The following PRELID2 variants were observed in gnomAD, a reference collection of about 807,000 sequenced individuals.
The protein encoded by PRELID2 is PRELI domain-containing protein 2.
PRELID2 carries 25 observed loss-of-function variants against 28.4 expected under a neutral mutation model. The ratio of observed to expected loss-of-function variants is 0.88; its 90% CI spans 0.64 to 1.23. The LOEUF is 1.23. Among genes scored for constraint, PRELID2 ranks in the 50% most tolerant of loss-of-function variants. The pLI, the probability that PRELID2 is intolerant of heterozygous loss-of-function variation, is 0.00. For missense variants in PRELID2, 201 were observed against 214.4 expected, an observed-to-expected ratio of 0.94 and a Z score of 0.39; for synonymous variants, 76 against 71.6, an observed-to-expected ratio of 1.06 and a Z score of -0.31.
intron 1 of PRELID2, among the ~76,000 whole-genome samples, chr5:145,571,830 A>G (rs1186954573): frequency 6.6e-6 from 1 of 151,920 alleles, no homozygotes; most frequent in Non-Finnish European, 1.5e-5. Context: ...AAATACAACA[A>G]ATTAGCCACG....
chr5:145,516,192 A>G (rs975991424), intron 1 of PRELID2, among the ~76,000 whole-genome samples: 1 of 152,170 alleles, frequency 6.6e-6, no homozygotes, highest in African/African-American at 2.4e-5. Flanking sequence ...GAAGAGAGGA[A>G]GTCAAATTGT....
chr5:145,579,316 G>A (rs957988718), intron 1 of PRELID2, among the ~76,000 whole-genome samples: 2 of 152,110 alleles, frequency 1.3e-5, no homozygotes, highest in African/African-American at 4.8e-5. Flanking sequence ...TTATTAGCCT[G>A]GATGGGGAGA....
intron 1 of PRELID2, among the ~76,000 whole-genome samples, chr5:145,557,909 G>A (rs1477359438): frequency 6.6e-6 from 1 of 152,118 alleles, no homozygotes; most frequent in African/African-American, 2.4e-5. Context: ...TGATGAAGTT[G>A]GTTCTTGCCT....
At chr5:145,721,779 A>G (rs540855218) in intron 1 of PRELID2, among the ~76,000 whole-genome samples, 1 of 152,314 alleles carries the variant, frequency 6.6e-6, no homozygotes, top group Middle Eastern at 3.4e-3. Context: ...CAGGAAATAG[A>G]ATTAATAAGA....
intron 1 of PRELID2, among the ~76,000 whole-genome samples, chr5:145,631,831 T>C (rs554235122): frequency 2.0e-5 from 3 of 152,306 alleles, no homozygotes; most frequent in South Asian, 2.1e-4. Context: ...AGTTTAACTC[T>C]ACAATGTACA....
At chr5:145,684,834 A>C (rs1755004749) in intron 1 of PRELID2, among the ~76,000 whole-genome samples, 1 of 152,206 alleles carries the variant, frequency 6.6e-6, no homozygotes, top group Non-Finnish European at 1.5e-5. Context: ...TGTTGGCACC[A>C]CTAAGGCAAT....
rs1561558963 is a variant in PRELID2, at chr5:145,724,605, ATATATATATATATAT to A, written n.70+40311_70+40325del. Among the ~76,000 whole-genome samples the A allele has an allele frequency of 6.3e-4, 52 of 82,612 alleles. 3 individuals carry two copies. The South Asian group carries it at 8.5e-3, about 14-fold the overall frequency. 54.2% of individuals were successfully genotyped at this position (82,612 alleles called of 152,430 possible). A position where few individuals can be genotyped will look rare whatever the true frequency, so the allele number is the denominator to read the frequency against. ...GAAATAACAAGAAGTAAATAAATAT[ATATATATATATATAT>A]ATATATATATATATATATATATATA... On this transcript the variant is annotated intron_variant and non_coding_transcript_variant, in intron 1 of 2. Transcript: ENST00000510259.
At chr5:145,817,098 G>A (rs574436929) in intron 4 of PRELID2, among the ~76,000 whole-genome samples, 3 of 150,430 alleles carry the variant, frequency 2.0e-5, no homozygotes, top group Non-Finnish European at 3.0e-5. Context: ...GGCTGAGGTG[G>A]GAGGATCACT....
At chr5:145,821,199 G>GTGTA (rs1754785180) in intron 2 of PRELID2, among the ~76,000 whole-genome samples, 2 of 148,006 alleles carry the variant, frequency 1.4e-5, no homozygotes, top group Non-Finnish European at 3.0e-5. Context: ...TCTTCTGTGT[G>GTGTA]TGTGTGTGTA....
intron 1 of PRELID2, among the ~76,000 whole-genome samples, chr5:145,557,971 G>T (rs2126688979): frequency 6.6e-6 from 1 of 152,244 alleles, no homozygotes; most frequent in Non-Finnish European, 1.5e-5. Context: ...AAGTAAGATG[G>T]GAGAAGCTTC....
At chr5:145,568,015 C>T (rs553186961) in intron 1 of PRELID2, among the ~76,000 whole-genome samples, 6 of 152,240 alleles carry the variant, frequency 3.9e-5, no homozygotes, top group African/African-American at 9.6e-5. Flanking sequence ...TAATTCTGGA[C>T]GATACTGGGC....
At chr5:145,541,163 A>T (rs1430154738) in intron 1 of PRELID2, among the ~76,000 whole-genome samples, 1 of 152,060 alleles carries the variant, frequency 6.6e-6, no homozygotes, top group East Asian at 1.9e-4. Flanking sequence ...CAAAATACAA[A>T]AGAATGATGT....
intron 1 of PRELID2, among the ~76,000 whole-genome samples, chr5:145,630,129 C>G (rs200275213): frequency 0.081 from 12,173 of 150,852 alleles, 708 homozygotes; most frequent in Admixed American, 0.18. Flanking sequence ...TGTTTGGATG[C>G]ATGGATGGAT....
chr5:145,615,139 G>C (rs187374164), intron 1 of PRELID2, among the ~76,000 whole-genome samples: 4 of 152,122 alleles, frequency 2.6e-5, no homozygotes, highest in African/African-American at 9.6e-5. Context: ...GTTGAACAAG[G>C]CCTTTTACCA....
At chr5:145,553,606 C>T (rs1225726346) in intron 1 of PRELID2, among the ~76,000 whole-genome samples, 1 of 152,146 alleles carries the variant, frequency 6.6e-6, no homozygotes, top group Admixed American at 6.5e-5. Context: ...GGAGGGAGAT[C>T]ATTGATTAGG....
chr5:145,677,516 T>A (rs1312912237), intron 1 of PRELID2, among the ~76,000 whole-genome samples: 1 of 152,162 alleles, frequency 6.6e-6, no homozygotes, highest in Non-Finnish European at 1.5e-5. Context: ...AGAAATGATA[T>A]CAAGTCTTGG....
the PRELID2 span, among the ~76,000 whole-genome samples, chr5:145,268,242 G>A: frequency 6.6e-6 from 1 of 152,064 alleles, no homozygotes. Context: ...AATTTCTGGA[G>A]GGTTTTCTTT....
At chr5:145,245,040 G>GTTATGATAC in the PRELID2 span, among the ~76,000 whole-genome samples, 1 of 151,896 alleles carries the variant, frequency 6.6e-6, no homozygotes, top group Non-Finnish European at 1.5e-5. Flanking sequence ...TAAACTAATG[G>GTTATGATAC]TTATGATACT....
At chr5:145,419,214 G>C in the PRELID2 span, among the ~76,000 whole-genome samples, 1 of 148,900 alleles carries the variant, frequency 6.7e-6, no homozygotes, top group African/African-American at 2.5e-5. Flanking sequence ...CTTTATAGCA[G>C]CATGATTTAT....
Sources: allele counts gnomAD v4.1 joint callset (sites outside exome capture counted in the v4.1 genomes callset), GRCh38; gene constraint gnomAD v4.1.1; transcripts MANE v1.5; gene names NCBI Gene and HGNC (gene_info 2026-07-23, HGNC 2026-07-21).